The following ERLEC1 variants were observed in gnomAD, a reference collection of about 807,000 sequenced individuals.
ERLEC1 encodes ER lectin.
A neutral mutation model predicts 68.0 loss-of-function variants in ERLEC1; 47 were observed. The ratio of observed to expected loss-of-function variants is 0.69; its 90% CI spans 0.55 to 0.88. The LOEUF (loss-of-function observed/expected upper bound fraction) is 0.88, where lower values mean the gene tolerates loss of function less well. Ranked by LOEUF, ERLEC1 falls within the 40% of genes least tolerant of loss-of-function variation. ERLEC1 has a pLI of 0.00. For synonymous variants in ERLEC1, 225 were observed against 203.2 expected (o/e 1.11, Z -0.91); for missense variants, 567 against 583.8 (o/e 0.97, Z 0.30).
chr2:53,799,171 A>T, intron 6 of ERLEC1, 90 bp downstream of exon 6: 1 of 1,094,044 alleles, frequency 9.1e-7, no homozygotes, highest in African/African-American at 1.6e-5. Context: ...ATATATCTTT[A>T]TGTTCTTATT....
chr2:53,814,995 CTTTTTTTTTTTT>C lies in ERLEC1; in HGVS notation c.1380+70_1380+81del, dbSNP rs777632156. On this transcript the variant is annotated intron_variant, in intron 13 of 13. Transcript: ENST00000185150. ...TTGAGCCATGTTTTAATTTTTTTTT[CTTTTTTTTTTTT>C]TTTTTTTTTGTTTTTTTGAGACGGA... The C allele has an allele frequency of 5.7e-4, 266 of 470,038 alleles. 3 individuals are homozygous for C. In the Admixed American group the frequency reaches 9.5e-3, roughly 17 times the overall value. The allele number at this position is 470,038 out of a possible 1,614,324, so 29.1% of individuals were successfully genotyped here.
intron 8 of ERLEC1, among the ~76,000 whole-genome samples, chr2:53,807,530 C>T (rs539761107): frequency 3.9e-5 from 6 of 152,170 alleles, no homozygotes; most frequent in African/African-American, 1.2e-4. Flanking sequence ...CTCAACCTCC[C>T]GAGTAGCTGG....
At chr2:53,816,425 C>T (rs1008932305) in intron 13 of ERLEC1, among the ~76,000 whole-genome samples, 3 of 151,886 alleles carry the variant, frequency 2.0e-5, no homozygotes, top group East Asian at 1.9e-4. Flanking sequence ...TATGGTACCA[C>T]GTCCGGCTAA....
rs142865135 is a variant in ERLEC1 at position 53,816,005 on chromosome 2, T to C, written c.1380+1070T>C. ...CCTATTCATTTTTCTTTCTTTCTTT[T>C]TTTTAATAGAGATAGGGTCTCACCA... is the stretch of plus-strand genomic sequence containing the variant. On this transcript the variant is annotated intron_variant, in intron 13 of 13. Transcript: ENST00000185150. Among the ~76,000 whole-genome samples, 1,425 of 152,286 alleles carry C rather than the reference T, an allele frequency of 9.4e-3. 11 individuals are homozygous for C. The highest frequency in any genetic ancestry group is 0.02 in the South Asian group (96 of 4,828).
At chr2:53,806,891 A>C (rs1188268332) in intron 8 of ERLEC1, among the ~76,000 whole-genome samples, 1 of 152,076 alleles carries the variant, frequency 6.6e-6, no homozygotes, top group African/African-American at 2.4e-5. Context: ...TAACCACCAG[A>C]TCCTAATTTT....
intron 6 of ERLEC1, among the ~76,000 whole-genome samples, chr2:53,800,497 C>G (rs1675947063): frequency 6.6e-6 from 1 of 152,082 alleles, no homozygotes; most frequent in African/African-American, 2.4e-5. Context: ...ATTTCAGACA[C>G]TAGCTTAAAA....
At position 53,801,842 on chromosome 2, in the gene ERLEC1, G is replaced by A. The variant is rs761198029; in HGVS notation, c.879G>A (p.Glu293=). 6.2e-6 allele frequency: 10 copies of A among 1,611,990 alleles called. No homozygotes were observed. The Admixed American group carries it at 1.7e-4, about 27-fold the overall frequency. Residue 293 remains glutamate, a splice_region_variant and synonymous_variant, in exon 8 of 14, where the codon GAG becomes GAA. Transcript: ENST00000185150. ...GGGTGCCTTTTAGGAGAAATAAAGA[G>A]GTATGAGAATTGTCTAATGATAGCT... The part of the protein sequence containing the change: ...ILRVPFRRNK[E]EDLQSTKEER...
chr2:53,812,395 AG>A (rs1676638332), intron 10 of ERLEC1, among the ~76,000 whole-genome samples: 3 of 152,220 alleles, frequency 2.0e-5, no homozygotes, highest in Admixed American at 2.0e-4. Flanking sequence ...TAATAAAAGC[AG>A]AATGGGAAAA....
chr2:53,811,191 G>T (rs1237898665), intron 10 of ERLEC1, among the ~76,000 whole-genome samples: 1 of 152,180 alleles, frequency 6.6e-6, no homozygotes, highest in Non-Finnish European at 1.5e-5. Flanking sequence ...AGATACAGAG[G>T]ATTATGTCTG....
chr2:53,803,892 G>T (rs1173308662), intron 8 of ERLEC1, among the ~76,000 whole-genome samples: 1 of 152,206 alleles, frequency 6.6e-6, no homozygotes, highest in Non-Finnish European at 1.5e-5. Flanking sequence ...ACTTTGGGAG[G>T]CCGAGGCAGT....
At chr2:53,799,204 A>T (rs1675877751) in intron 6 of ERLEC1, 123 bp downstream of exon 6, 2 of 786,638 alleles carry the variant, frequency 2.5e-6, no homozygotes, top group African/African-American at 3.5e-5. Context: ...AATACCTTGA[A>T]GGACTGGGTC....
chr2:53,796,548 G>A (rs1279079289), intron 3 of ERLEC1, among the ~76,000 whole-genome samples: 1 of 151,296 alleles, frequency 6.6e-6, no homozygotes, highest in Non-Finnish European at 1.5e-5. Context: ...CAGCCCCAAC[G>A]TCCCATGCTC....
In ERLEC1 at chr2:53,814,551, C is replaced by T. The variant is rs928754608; in HGVS notation, c.1235C>T (p.Ser412Leu). 2.0e-5 allele frequency: 32 copies of T among 1,609,538 alleles called. No homozygotes were observed. Among genetic ancestry groups the T allele is most frequent in the Non-Finnish European group, 2.7e-5 (32 of 1,177,270 alleles). The change falls in exon 12 of 14, where the codon TCA (serine) becomes TTA (leucine). Residue 412 changes from serine (S) to leucine (L), a missense_variant. Physicochemically the swap from Ser to Leu is moderately radical, Grantham distance 145. Coordinates refer to ENST00000185150, the MANE Select transcript of ERLEC1 (RefSeq NM_015701.5). ...GTGTTTCTCTGATTCAGGATGGTGT[C>T]ACATTTTTATGGAAATGGAGATATT... ...DDGTQTVRMV[S>L]HFYGNGDICD... is the part of the protein sequence containing the mutation.
chr2:53,793,691 C>G (rs1285266560), intron 1 of ERLEC1, among the ~76,000 whole-genome samples: 1 of 151,864 alleles, frequency 6.6e-6, no homozygotes, highest in African/African-American at 2.4e-5. Flanking sequence ...AAGTAGTCCT[C>G]CCACCTCAAC....
In ERLEC1 at chr2:53,797,517, T is replaced by G; in HGVS notation, c.351T>G (p.Ile117Met). Residue 117 changes from isoleucine to methionine, a missense_variant and splice_region_variant, in exon 4 of 14, where the codon ATT becomes ATG. Physicochemically the swap from Ile to Met is conservative, Grantham distance 10 (BLOSUM62 1). Coordinates refer to ENST00000185150, the MANE Select transcript of ERLEC1 (RefSeq NM_015701.5). ...TGAAATATATCCATCTTTTTTAGATTGAGTCTTATTGGACTTACGAAGTAT... is the reference window on the plus strand; with the variant it reads ...TGAAATATATCCATCTTTTTTAGATGGAGTCTTATTGGACTTACGAAGTAT... ...LFKQSSCSYR[I>M]ESYWTYEVCH... 6.2e-7 allele frequency: 1 copy of G among 1,607,218 alleles called. No homozygotes were observed. Among genetic ancestry groups the G allele is most frequent in the Non-Finnish European group, 8.5e-7 (1 of 1,177,300 alleles).
chr2:53,787,348 C>G lies in ERLEC1; in HGVS notation c.138C>G (p.Asn46Lys). The change falls in exon 1 of 14, where the codon AAC (asparagine) becomes AAG (lysine). Residue 46 changes from asparagine (N) to lysine (K), a missense_variant. Transcript: ENST00000185150. ...QLSDDIPFRV[N>K]WPGTEFSLPT... is the part of the protein sequence containing the mutation. Reference sequence around the variant, plus strand: ...GCGATGACATCCCTTTCCGAGTCAACTGGCCCGGCACCGAGTTCTCTCTGG... The same window carrying G: ...GCGATGACATCCCTTTCCGAGTCAAGTGGCCCGGCACCGAGTTCTCTCTGG... The G allele has an allele frequency of 1.9e-6, 3 of 1,611,844 alleles. No individual in the cohort carries two copies. The highest frequency in any genetic ancestry group is 2.5e-6 in the Non-Finnish European group (3 of 1,179,738).
rs535774869 is a variant in ERLEC1, at chr2:53,801,567, T to G, written c.696T>G (p.Cys232Trp). 6.2e-7 allele frequency: 1 copy of G among 1,614,104 alleles called. No individual in the cohort carries two copies. Among genetic ancestry groups the G allele is most frequent in the Non-Finnish European group, 8.5e-7 (1 of 1,179,964 alleles). The change falls in exon 7 of 14, where the codon TGT becomes TGG. Residue 232 changes from cysteine to tryptophan, a missense_variant. Cys to Trp is a radical substitution (Grantham distance 215, BLOSUM62 -2). Transcript: ENST00000185150. ...TTTCAGTAGCTGAAGTTACAACTTG[T>G]GAATATGAAGTTGTCATTTTGACAC... ...EILSVAEVTT[C>W]EYEVVILTPL...
Position 53,812,973 on chromosome 2 carries a change from G to C in ERLEC1, c.1126G>C (p.Val376Leu), listed in dbSNP as rs1676672129. The C allele has an allele frequency of 1.2e-6, 2 of 1,613,196 alleles. No homozygotes were observed. The highest frequency in any genetic ancestry group is 1.7e-6 in the Non-Finnish European group (2 of 1,179,848). ...GGACAAGGATAGTGGGAAAACCTCT[G>C]TGGTTGTCGGGACATGGAACCAAGA... Reference protein sequence around the residue: ...HEDKDSGKTSVVVGTWNQEEH... With the variant: ...HEDKDSGKTSLVVGTWNQEEH... The change falls in exon 11 of 14, where the codon GTG becomes CTG. Residue 376 changes from valine to leucine, a missense_variant. By Grantham distance (32) the Val-to-Leu change is conservative. Coordinates refer to ENST00000185150, the MANE Select transcript of ERLEC1 (RefSeq NM_015701.5).
chr2:53,789,124 G>A (rs909633792), intron 1 of ERLEC1, among the ~76,000 whole-genome samples: 7 of 151,868 alleles, frequency 4.6e-5, no homozygotes, highest in East Asian at 1.9e-4. Context: ...GGCCATGTGC[G>A]GCGGCTCACA....
Sources: gnomAD v4.1 joint callset for allele counts (sites outside exome capture counted in the v4.1 genomes callset) on GRCh38, gnomAD v4.1.1 for gene constraint, MANE v1.5 for transcripts, NCBI Gene and HGNC (gene_info 2026-07-23, HGNC 2026-07-21) for gene names.